The following EFCAB6 variants were observed in gnomAD, a reference collection of about 807,000 sequenced individuals.
The protein encoded by EFCAB6 is EF-hand calcium-binding domain-containing protein 6.
A neutral mutation model predicts 169.8 loss-of-function variants in EFCAB6; 156 were observed. That is an observed-to-expected ratio of 0.92 (90% confidence interval 0.81 to 1.05). The LOEUF (loss-of-function observed/expected upper bound fraction) is 1.05. EFCAB6 is among the 50% of genes least tolerant of loss of function. EFCAB6 has a pLI of 0.00. For missense variants in EFCAB6, 1,800 were observed against 1,829.1 expected, an observed-to-expected ratio of 0.98 and a Z score of 0.29; for synonymous variants, 698 against 676.4, an observed-to-expected ratio of 1.03 and a Z score of -0.50.
chr22:43,743,968 G>C (rs988113010), intron 6 of EFCAB6, among the ~76,000 whole-genome samples: 6 of 151,816 alleles, frequency 4.0e-5, no homozygotes, highest in Admixed American at 1.3e-4. Flanking sequence ...GGATGGGTGG[G>C]TGGATGATGG....
In EFCAB6 at chr22:43,545,572, G is replaced by A. The variant is rs182853021; in HGVS notation, c.3649-5215C>T. On this transcript the variant is annotated intron_variant, in intron 27 of 31. Coordinates refer to ENST00000262726, the MANE Select transcript of EFCAB6 (RefSeq NM_022785.4). Reference sequence around the variant, plus strand: ...GCTAATCCTGGGAGGCCAAAGTTTTGCGGATTGATGGTGCTCAGGGGTTGG... The same window carrying A: ...GCTAATCCTGGGAGGCCAAAGTTTTACGGATTGATGGTGCTCAGGGGTTGG... 5.2e-3 allele frequency among the ~76,000 whole-genome samples: 792 copies of A among 152,300 alleles called. 4 individuals are homozygous for A. The highest frequency in any genetic ancestry group is 0.041 in the Middle Eastern group (12 of 294).
At chr22:43,720,849 A>T (rs984464261) in intron 8 of EFCAB6, among the ~76,000 whole-genome samples, 2 of 152,168 alleles carry the variant, frequency 1.3e-5, no homozygotes, top group African/African-American at 4.8e-5. Flanking sequence ...TCACAATTCA[A>T]GAAATTAAAG....
At chr22:43,644,581 CT>C (rs2056032586) in intron 17 of EFCAB6, among the ~76,000 whole-genome samples, 2 of 152,226 alleles carry the variant, frequency 1.3e-5, no homozygotes, top group Non-Finnish European at 2.9e-5. Flanking sequence ...TCCAACCTTA[CT>C]TAGTGCCTGA....
At chr22:43,598,923 C>A (rs914984854) in intron 23 of EFCAB6, among the ~76,000 whole-genome samples, 2 of 152,054 alleles carry the variant, frequency 1.3e-5, no homozygotes, top group Non-Finnish European at 2.9e-5. Context: ...TCATACATAC[C>A]CTCCAAATAT....
chr22:43,714,883 C>G (rs1309181570), intron 9 of EFCAB6, among the ~76,000 whole-genome samples: 1 of 152,184 alleles, frequency 6.6e-6, no homozygotes, highest in Non-Finnish European at 1.5e-5. Context: ...CAGTGCTGCA[C>G]TATCGTGATG....
At chr22:43,772,787 T>A in intron 4 of EFCAB6, 105 bp downstream of exon 4, 1 of 1,241,114 alleles carries the variant, frequency 8.1e-7, no homozygotes, top group East Asian at 2.4e-5. Flanking sequence ...CTTCAACTGC[T>A]CAGTGGCAAC....
At chr22:43,582,593 T>C (rs552821188) in intron 24 of EFCAB6, among the ~76,000 whole-genome samples, 1 of 152,204 alleles carries the variant, frequency 6.6e-6, no homozygotes, top group South Asian at 2.1e-4. Flanking sequence ...AAGAAGAATG[T>C]AAATCAAGAA....
At chr22:43,567,894 CTGTT>C (rs889889284) in intron 26 of EFCAB6, among the ~76,000 whole-genome samples, 3 of 152,142 alleles carry the variant, frequency 2.0e-5, no homozygotes, top group Admixed American at 2.0e-4. Context: ...GAAATGGAGA[CTGTT>C]TGACTCCGAA....
At chr22:43,769,684 G>A (rs992561003) in intron 4 of EFCAB6, among the ~76,000 whole-genome samples, 2 of 151,884 alleles carry the variant, frequency 1.3e-5, no homozygotes, top group Non-Finnish European at 2.9e-5. Flanking sequence ...TCATCAGATG[G>A]GACAGAGGAA....
At chr22:43,756,086 C>T (rs2060947597) in intron 5 of EFCAB6, among the ~76,000 whole-genome samples, 1 of 152,210 alleles carries the variant, frequency 6.6e-6, no homozygotes, top group South Asian at 2.1e-4. Flanking sequence ...TAAATACTTA[C>T]AGCTGACACT....
intron 10 of EFCAB6, among the ~76,000 whole-genome samples, chr22:43,694,542 A>T (rs928340532): frequency 1.6e-4 from 24 of 152,066 alleles, no homozygotes; most frequent in Admixed American, 1.3e-4. Flanking sequence ...TAAAAAGATG[A>T]AACAAAATTC....
At chr22:43,536,606 G>A (rs2147029757) in intron 29 of EFCAB6, 1 of 152,318 alleles carries the variant, frequency 6.6e-6, no homozygotes, top group East Asian at 1.9e-4. Context: ...CTGGGAGGCT[G>A]AGGTGGGCAG....
At chr22:43,549,467 G>T (rs1279677117) in intron 27 of EFCAB6, among the ~76,000 whole-genome samples, 1 of 152,130 alleles carries the variant, frequency 6.6e-6, no homozygotes, top group Non-Finnish European at 1.5e-5. Context: ...CTGTAGAAAA[G>T]ATAAGTCACC....
chr22:43,707,313 T>G (rs938667418), intron 10 of EFCAB6, among the ~76,000 whole-genome samples: 2 of 152,282 alleles, frequency 1.3e-5, no homozygotes, highest in South Asian at 4.1e-4. Context: ...CCAATATTTA[T>G]GTAATGTAAT....
At chr22:43,756,924 A>C (rs1057001498) in intron 5 of EFCAB6, among the ~76,000 whole-genome samples, 1 of 152,196 alleles carries the variant, frequency 6.6e-6, no homozygotes, top group African/African-American at 2.4e-5. Context: ...CCCCAGGGTC[A>C]GCAGGAAGGA....
Position 43,672,259 on chromosome 22 carries a change from A to G in EFCAB6, c.1466T>C (p.Leu489Pro), listed in dbSNP as rs1350866073. 42 of 1,614,064 alleles carry G rather than the reference A, an allele frequency of 2.6e-5. No homozygotes were observed. The highest frequency in any genetic ancestry group is 3.3e-5 in the Non-Finnish European group (39 of 1,180,010). Residue 489 changes from leucine (L) to proline (P), a missense_variant, in exon 14 of 32, where the codon CTG becomes CCG. Transcript: ENST00000262726. ...PCTDAKTPFL[L>P]AWDSVEEIVH... ...AGTGTTACTTACTGAATCCCAGGCCAGGAGGAAAGGTGTCTTAGCATCTGT... is the reference window on the plus strand; with the variant it reads ...AGTGTTACTTACTGAATCCCAGGCCGGGAGGAAAGGTGTCTTAGCATCTGT...
At chr22:43,649,264 GA>G (rs756825307) in intron 17 of EFCAB6, among the ~76,000 whole-genome samples, 119 of 152,304 alleles carry the variant, frequency 7.8e-4, no homozygotes, top group South Asian at 3.3e-3. Context: ...GCAACTCAAA[GA>G]AGAACAAATC....
At chr22:43,718,165 C>T (rs577128557) in intron 8 of EFCAB6, among the ~76,000 whole-genome samples, 5 of 152,132 alleles carry the variant, frequency 3.3e-5, no homozygotes, top group African/African-American at 9.6e-5. Context: ...TAGAATTATA[C>T]GGGATTATTA....
At position 43,735,946 on chromosome 22, in the gene EFCAB6, A is replaced by G. The variant is rs1314679173; in HGVS notation, c.555T>C (p.Asp185=). 5.6e-6 allele frequency: 9 copies of G among 1,614,076 alleles called. No individual in the cohort carries two copies. Among genetic ancestry groups the G allele is most frequent in the Non-Finnish European group, 7.6e-6 (9 of 1,180,042 alleles). The change falls in exon 7 of 32, where the codon GAT becomes GAC. Residue 185 remains aspartate, a synonymous_variant. Transcript: ENST00000262726. ...KTVMKAFELI[D]VNKTGLVRPQ... The stretch of plus-strand genomic sequence containing the variant: ...GTCGAACCAGTCCAGTCTTGTTAAC[A>G]TCAATGAGCTCAAAGGCTTTCATAA...
Sources: allele counts gnomAD v4.1 joint callset (sites outside exome capture counted in the v4.1 genomes callset), GRCh38; gene constraint gnomAD v4.1.1; transcripts MANE v1.5; gene names NCBI Gene and HGNC (gene_info 2026-07-23, HGNC 2026-07-21).